TAB2: variants seen among roughly 807,000 people sequenced by gnomAD.
The protein encoded by TAB2 is TGF-beta-activated kinase 1 and MAP3K7-binding protein 2.
TAB2 carries 3 observed loss-of-function variants against 65.0 expected under a neutral mutation model. The observed-to-expected ratio is 0.05, with a 90% CI of 0.02 to 0.12. The LOEUF is 0.12. Ranked by LOEUF, TAB2 falls within the 10% of genes least tolerant of loss-of-function variation. The probability of loss-of-function intolerance (pLI) is 1.00; values close to 1 mark genes in which losing one functional copy is unlikely to be tolerated. For synonymous variants in TAB2, 298 were observed against 285.1 expected, an observed-to-expected ratio of 1.05 and a Z score of -0.46; for missense variants, 623 against 840.3, an observed-to-expected ratio of 0.74 and a Z score of 3.20.
chr6:149,353,785 T>C (rs1243438441), intron 1 of TAB2, among the ~76,000 whole-genome samples: 2 of 152,240 alleles, frequency 1.3e-5, no homozygotes, highest in Admixed American at 6.5e-5. Flanking sequence ...TGGACTGTTA[T>C]GCAGTCATTT....
intron 1 of TAB2, chr6:149,346,676 ACTC>A (rs1463082686): frequency 6.7e-6 from 1 of 148,994 alleles, no homozygotes; most frequent in Non-Finnish European, 1.5e-5. Flanking sequence ...CTGGTCTTGA[ACTC>A]CTGACCTCAG....
chr6:149,379,345 C>T lies in TAB2; in HGVS notation c.1430C>T (p.Ser477Leu). 1 of 1,614,236 alleles carries T rather than the reference C, an allele frequency of 6.2e-7. No individual in the cohort carries two copies. Among genetic ancestry groups the T allele is most frequent in the Non-Finnish European group, 8.5e-7 (1 of 1,180,034 alleles). Residue 477 changes from serine to leucine, a missense_variant, in exon 3 of 7, where the codon TCA (serine) becomes TTA (leucine). Around this residue, in one of 3 missense-constraint regions of TAB2, gnomAD observed 550 missense variants for 665.7 expected, o/e 0.83. Coordinates refer to ENST00000637181, the MANE Select transcript of TAB2 (RefSeq NM_001292034.3). ...TVSPNKPPAV[S>L]PGVVSPTFEL... ...TCTCCCAATAAGCCCCCTGCAGTTTCACCAGGGGTGGTGTCCCCTACCTTT... is the reference window on the plus strand; with the variant it reads ...TCTCCCAATAAGCCCCCTGCAGTTTTACCAGGGGTGGTGTCCCCTACCTTT...
At chr6:149,245,894 C>T (rs144351185) in intron 1 of TAB2, among the ~76,000 whole-genome samples, 4 of 152,054 alleles carry the variant, frequency 2.6e-5, no homozygotes, top group South Asian at 2.1e-4. Flanking sequence ...CCCTCCTCTG[C>T]GTTTACACTT....
chr6:149,378,352 C>T lies in TAB2; in HGVS notation c.437C>T (p.Ser146Phe). ...GFNVFGMSSS[S>F]GASNSAPHLG... The stretch of plus-strand genomic sequence containing the variant: ...AATGTTTTTGGAATGTCCAGTTCCT[C>T]TGGTGCTTCAAATTCAGCACCACAT... The change falls in exon 3 of 7, where the codon TCT (serine) becomes TTT (phenylalanine). Residue 146 changes from serine (S) to phenylalanine (F), a missense_variant. Transcript: ENST00000637181. 6.2e-7 allele frequency: 1 copy of T among 1,614,230 alleles called. No individual in the cohort carries two copies. Among genetic ancestry groups the T allele is most frequent in the South Asian group, 1.1e-5 (1 of 91,080 alleles).
At chr6:149,381,321 C>A (rs1781599341) in intron 3 of TAB2, among the ~76,000 whole-genome samples, 1 of 152,140 alleles carries the variant, frequency 6.6e-6, no homozygotes, top group African/African-American at 2.4e-5. Context: ...TTTCCACTTA[C>A]AACTTAATTC....
At chr6:149,387,803 C>CT (rs143666581) in intron 3 of TAB2, among the ~76,000 whole-genome samples, 5 of 151,890 alleles carry the variant, frequency 3.3e-5, no homozygotes, top group South Asian at 2.1e-4. Flanking sequence ...GATTATGTCT[C>CT]TTTTTTTTGT....
At chr6:149,353,363 C>T (rs1041770764) in intron 1 of TAB2, among the ~76,000 whole-genome samples, 3 of 152,164 alleles carry the variant, frequency 2.0e-5, no homozygotes, top group African/African-American at 7.2e-5. Context: ...AAAAGGTGTA[C>T]AGTGAAGAGA....
chr6:149,297,623 C>T (rs1238241680), intron 1 of TAB2, among the ~76,000 whole-genome samples: 1 of 152,182 alleles, frequency 6.6e-6, no homozygotes. Flanking sequence ...CTCCTAGCCT[C>T]AAATGATCCT....
At chr6:149,254,012 AAGAAAG>A (rs1298192717) in intron 1 of TAB2, among the ~76,000 whole-genome samples, 2 of 150,320 alleles carry the variant, frequency 1.3e-5, no homozygotes, top group African/African-American at 2.5e-5. Flanking sequence ...GAAAGAAAGA[AAGAAAG>A]AAAGAAAAGA....
intron 1 of TAB2, among the ~76,000 whole-genome samples, chr6:149,339,510 A>G (rs2114774048): frequency 6.6e-6 from 1 of 152,340 alleles, no homozygotes; most frequent in Admixed American, 6.5e-5. Context: ...TGACACTGTC[A>G]TATAAGTAAA....
At chr6:149,244,079 A>G (rs1777652133) in intron 1 of TAB2, 1 of 152,254 alleles carries the variant, frequency 6.6e-6, no homozygotes, top group African/African-American at 2.4e-5. Context: ...CATGACTGAT[A>G]GAAAGATCAA....
upstream of TAB2, among the ~76,000 whole-genome samples, chr6:149,313,738 C>T (rs994524395): frequency 2.0e-5 from 3 of 152,202 alleles, no homozygotes; most frequent in Non-Finnish European, 2.9e-5. Context: ...CCATCTTTGA[C>T]TCCCTGACAC....
At chr6:149,344,508 G>C (rs972688497) in intron 1 of TAB2, among the ~76,000 whole-genome samples, 1 of 152,140 alleles carries the variant, frequency 6.6e-6, no homozygotes, top group African/African-American at 2.4e-5. Flanking sequence ...GGAGATGAAA[G>C]TATTTAATAT....
intron 2 of TAB2, among the ~76,000 whole-genome samples, chr6:149,374,627 C>A (rs147756053): frequency 1.3e-5 from 2 of 152,302 alleles, no homozygotes; most frequent in African/African-American, 4.8e-5. Context: ...TCAGTTGGAT[C>A]AAGCTGACAA....
At chr6:149,356,515 T>C (rs1255052485) in intron 1 of TAB2, among the ~76,000 whole-genome samples, 6 of 152,224 alleles carry the variant, frequency 3.9e-5, no homozygotes, top group South Asian at 4.1e-4. Flanking sequence ...GAATGTCTGG[T>C]GAATTCCCAC....
chr6:149,396,956 G>C (rs1782192632), intron 3 of TAB2, among the ~76,000 whole-genome samples: 1 of 152,160 alleles, frequency 6.6e-6, no homozygotes, highest in African/African-American at 2.4e-5. Context: ...TGAAGTAAGA[G>C]AGCTTGTCCT....
intron 1 of TAB2, among the ~76,000 whole-genome samples, chr6:149,327,072 T>G (rs1779642037): frequency 1.3e-5 from 2 of 152,174 alleles, no homozygotes; most frequent in Admixed American, 6.5e-5. Flanking sequence ...AACTGGCCTT[T>G]AAATATTAAT....
At chr6:149,300,677 C>G (rs944290082) in intron 1 of TAB2, among the ~76,000 whole-genome samples, 3 of 152,174 alleles carry the variant, frequency 2.0e-5, no homozygotes, top group African/African-American at 7.2e-5. Context: ...CCCTCTTCCC[C>G]AACACACACC....
chr6:149,248,917 A>C (rs1018413876), intron 1 of TAB2, among the ~76,000 whole-genome samples: 5 of 152,038 alleles, frequency 3.3e-5, no homozygotes, highest in African/African-American at 1.2e-4. Context: ...TCTGCCTCTT[A>C]AAGGATATGT....
Sources: gnomAD v4.1 joint callset for allele counts (sites outside exome capture counted in the v4.1 genomes callset) on GRCh38, gnomAD v4.1.1 for gene constraint, gnomAD v4.1.1 regional missense constraint, MANE v1.5 for transcripts, NCBI Gene and HGNC (gene_info 2026-07-23, HGNC 2026-07-21) for gene names.